LCLAT1: variants seen among roughly 807,000 people sequenced by gnomAD.
LCLAT1 encodes the protein lysocardiolipin acyltransferase 1, also known as 1-AGP acyltransferase 8.
A neutral mutation model predicts 30.7 loss-of-function variants in LCLAT1; 11 were observed. The observed-to-expected ratio is 0.36, with a 90% CI of 0.23 to 0.59. LCLAT1 has a LOEUF of 0.59. Ranked by LOEUF, LCLAT1 falls within the 20% of genes least tolerant of loss-of-function variation. The pLI is 0.77. For synonymous variants in LCLAT1, 155 were observed against 151.3 expected, an observed-to-expected ratio of 1.02 and a Z score of -0.18; for missense variants, 402 against 458.6, an observed-to-expected ratio of 0.88 and a Z score of 1.13.
chr2:30,459,402 G>A (rs1681990125), intron 1 of LCLAT1: 1 of 525,658 alleles, frequency 1.9e-6, no homozygotes. Flanking sequence ...CCAGCTTCCT[G>A]AGTTGCCCTG....
intron 3 of LCLAT1, among the ~76,000 whole-genome samples, chr2:30,548,545 G>C (rs1363982624): frequency 6.6e-6 from 1 of 152,168 alleles, no homozygotes; most frequent in Non-Finnish European, 1.5e-5. Flanking sequence ...AAGGATTGCG[G>C]AGACCAGGTT....
chr2:30,607,853 G>C (rs1667529034), intron 5 of LCLAT1: 1 of 2,854 alleles, frequency 3.5e-4, no homozygotes, highest in Non-Finnish European at 6.8e-4. Flanking sequence ...GGCTGTGTGT[G>C]TGTGTGTGTG....
intron 1 of LCLAT1, among the ~76,000 whole-genome samples, chr2:30,510,281 T>C (rs1283240072): frequency 6.6e-6 from 1 of 152,192 alleles, no homozygotes; most frequent in East Asian, 1.9e-4. Flanking sequence ...TTTTAAAAGA[T>C]TGTATGGGAA....
At chr2:30,560,287 T>G (rs1236896156) in intron 3 of LCLAT1, among the ~76,000 whole-genome samples, 1 of 88,482 alleles carries the variant, frequency 1.1e-5, no homozygotes, top group Admixed American at 9.4e-5. Context: ...AAGTGTGGTG[T>G]GTGTGTGTGT....
At chr2:30,484,957 G>C (rs1188280897) in intron 1 of LCLAT1, among the ~76,000 whole-genome samples, 1 of 151,940 alleles carries the variant, frequency 6.6e-6, no homozygotes, top group East Asian at 1.9e-4. Flanking sequence ...TGGTATATGT[G>C]TGTTAAATTT....
chr2:30,450,957 T>C (rs764314656), intron 1 of LCLAT1, among the ~76,000 whole-genome samples: 4 of 151,876 alleles, frequency 2.6e-5, no homozygotes, highest in Non-Finnish European at 5.9e-5. Context: ...TTGCAATTTA[T>C]ATATCTGACC....
At chr2:30,573,207 G>A (rs1665859874) in intron 5 of LCLAT1, among the ~76,000 whole-genome samples, 1 of 152,076 alleles carries the variant, frequency 6.6e-6, no homozygotes, top group Non-Finnish European at 1.5e-5. Flanking sequence ...CCCAAACAAG[G>A]CCTTTTGATT....
rs539364892 is a variant in LCLAT1 at position 30,597,156 on chromosome 2, A to G, written c.628+28980A>G. The stretch of plus-strand genomic sequence containing the variant: ...TTGTTGGTTCCATATGAATTTTAAA[A>G]GAGTTTTTTCTAATTCTATGAAGAA... On this transcript the variant is annotated intron_variant, in intron 5 of 5. Coordinates refer to ENST00000379509, the MANE Select transcript of LCLAT1 (RefSeq NM_001002257.3). 8.6e-5 allele frequency among the ~76,000 whole-genome samples: 13 copies of G among 151,064 alleles called. 1 individual carries two copies. In the South Asian group the frequency reaches 2.8e-3, roughly 33 times the overall value.
At chr2:30,597,618 A>G (rs901829624) in intron 5 of LCLAT1, among the ~76,000 whole-genome samples, 1 of 152,114 alleles carries the variant, frequency 6.6e-6, no homozygotes, top group Admixed American at 6.5e-5. Context: ...CTCTCTTCCT[A>G]TGTAGATACC....
In LCLAT1 at chr2:30,516,245, G is replaced by A. The variant is rs1685177504; in HGVS notation, c.-4-9342G>A. On this transcript the variant is annotated intron_variant, in intron 1 of 5. Transcript: ENST00000379509. ...TCCCCTCCCATTGTATGGGAGCTTT[G>A]TTTTCACTCTATTAAATCTTGCAAC... is the stretch of plus-strand genomic sequence containing the variant. Among the ~76,000 whole-genome samples the A allele has an allele frequency of 2.0e-5, 3 of 152,050 alleles. No homozygotes were observed. The South Asian group carries it at 6.2e-4, about 31-fold the overall frequency.
chr2:30,528,622 G>C (rs1039986948), intron 2 of LCLAT1, among the ~76,000 whole-genome samples: 1 of 152,242 alleles, frequency 6.6e-6, no homozygotes, highest in South Asian at 2.1e-4. Flanking sequence ...GGCTGAGCTG[G>C]ACTTACTGAT....
intron 5 of LCLAT1, among the ~76,000 whole-genome samples, chr2:30,619,746 A>G (rs1668155890): frequency 6.6e-6 from 1 of 152,200 alleles, no homozygotes; most frequent in Non-Finnish European, 1.5e-5. Flanking sequence ...ATCTTCAGGC[A>G]AAATTGCAGT....
rs869025828 is a variant in LCLAT1, at chr2:30,641,908, C to CTTTTTTTTTTTTT, written c.*1300_*1301insTTTTTTTTTTTTT. On this transcript the variant is annotated 3_prime_UTR_variant, in exon 6 of 6. Coordinates refer to ENST00000379509, the MANE Select transcript of LCLAT1 (RefSeq NM_001002257.3). Reference sequence around the variant, plus strand: ...CACACTTTTTTTTCTTTTTTTTTTTCTTTTTTTTTTTGTCGTGTAAGAAGG... The same window carrying CTTTTTTTTTTTTT: ...CACACTTTTTTTTCTTTTTTTTTTTCTTTTTTTTTTTTTTTTTTTTTTTTGTCGTGTAAGAAGG... 2.7e-5 allele frequency: 2 copies of CTTTTTTTTTTTTT among 74,500 alleles called. No homozygotes were observed. The highest frequency in any genetic ancestry group is 3.3e-5 in the Non-Finnish European group (1 of 30,248). The allele number at this position is 74,500 out of a possible 1,614,324, so 4.6% of individuals were successfully genotyped here. A position where few individuals can be genotyped will look rare whatever the true frequency, so the allele number is the denominator to read the frequency against.
chr2:30,624,207 G>T (rs1238366769), intron 5 of LCLAT1, among the ~76,000 whole-genome samples: 1 of 151,588 alleles, frequency 6.6e-6, no homozygotes, highest in Admixed American at 6.6e-5. Flanking sequence ...ACACAATGAA[G>T]AAAACAAAAA....
At chr2:30,540,176 C>G (rs564637867) in intron 3 of LCLAT1, among the ~76,000 whole-genome samples, 118 of 152,246 alleles carry the variant, frequency 7.8e-4, no homozygotes, top group Non-Finnish European at 1.4e-3. Context: ...CATGGACAAG[C>G]AGATTGTTTT....
rs146128603 is a variant in LCLAT1, at chr2:30,509,531, A to G, written c.-4-16056A>G. Among the ~76,000 whole-genome samples the G allele has an allele frequency of 2.8e-3, 426 of 152,130 alleles. 3 individuals carry two copies. Among genetic ancestry groups the G allele is most frequent in the African/African-American group, 9.7e-3 (404 of 41,500 alleles). ...AATATATTTTGTTTCTAAATTCACC[A>G]TGTGTTGTCTCCATATTTCAGGATT... On this transcript the variant is annotated intron_variant, in intron 1 of 5. Transcript: ENST00000379509.
At chr2:30,495,764 G>A (rs1356809121) in intron 1 of LCLAT1, among the ~76,000 whole-genome samples, 2 of 151,890 alleles carry the variant, frequency 1.3e-5, no homozygotes, top group African/African-American at 2.4e-5. Context: ...TGGAGTATAA[G>A]TCTAAGCAGT....
At chr2:30,634,356 C>T (rs1196339418) in intron 5 of LCLAT1, among the ~76,000 whole-genome samples, 1 of 152,096 alleles carries the variant, frequency 6.6e-6, no homozygotes. Flanking sequence ...CCATGCGCGG[C>T]GGCTCACGCC....
chr2:30,516,403 G>A (rs1440504287), intron 1 of LCLAT1, among the ~76,000 whole-genome samples: 1 of 152,192 alleles, frequency 6.6e-6, no homozygotes, highest in East Asian at 1.9e-4. Flanking sequence ...TGTCTGCTGC[G>A]CTTCTGATGC....
Sources: allele counts gnomAD v4.1 joint callset (sites outside exome capture counted in the v4.1 genomes callset), GRCh38; gene constraint gnomAD v4.1.1; transcripts MANE v1.5; gene names NCBI Gene and HGNC (gene_info 2026-07-23, HGNC 2026-07-21).